TRMT11: variants seen among roughly 807,000 people sequenced by gnomAD.
TRMT11 encodes tRNA (guanine(10)-N(2))-methyltransferase TRMT11.
A neutral mutation model predicts 62.8 loss-of-function variants in TRMT11; 53 were observed. The ratio of observed to expected loss-of-function variants is 0.84; its 90% confidence interval spans 0.68 to 1.06. The LOEUF (loss-of-function observed/expected upper bound fraction) is 1.06. Among genes scored for constraint, TRMT11 ranks in the 50% least tolerant of loss-of-function variants. TRMT11 has a pLI of 0.00. For synonymous variants in TRMT11, 188 were observed against 190.3 expected, an observed-to-expected ratio of 0.99 and a Z score of 0.10; for missense variants, 556 against 553.4, an observed-to-expected ratio of 1.00 and a Z score of -0.05.
At chr6:126,094,153 A>G (rs1407903722) in intron 17 of TRMT11, among the ~76,000 whole-genome samples, 2 of 151,472 alleles carry the variant, frequency 1.3e-5, no homozygotes, top group Non-Finnish European at 2.9e-5. Context: ...GTTGGCTCTG[A>G]CTCCTCTTTT....
chr6:126,125,924 G>A (rs185085119), intron 21 of TRMT11, among the ~76,000 whole-genome samples: 78 of 152,162 alleles, frequency 5.1e-4, no homozygotes, highest in African/African-American at 1.8e-3. Flanking sequence ...AAACACACAT[G>A]CATGCACATT....
At chr6:126,038,103 T>C (rs1448749705) in intron 12 of TRMT11, among the ~76,000 whole-genome samples, 2 of 152,088 alleles carry the variant, frequency 1.3e-5, no homozygotes, top group Non-Finnish European at 2.9e-5. Context: ...TAGACGTCAG[T>C]CTGAGCAGTA....
At chr6:126,161,040 C>T (rs1277783113) in intron 21 of TRMT11, among the ~76,000 whole-genome samples, 1 of 151,986 alleles carries the variant, frequency 6.6e-6, no homozygotes, top group Non-Finnish European at 1.5e-5. Flanking sequence ...GCAGCCACCA[C>T]CTGGTACATC....
chr6:126,018,774 T>C (rs1231183302), intron 11 of TRMT11, among the ~76,000 whole-genome samples: 2 of 152,208 alleles, frequency 1.3e-5, no homozygotes, highest in African/African-American at 4.8e-5. Context: ...AGTACTGTCA[T>C]AATGGTCCAG....
chr6:126,159,286 G>A (rs935640489), intron 21 of TRMT11, among the ~76,000 whole-genome samples: 8 of 152,074 alleles, frequency 5.3e-5, no homozygotes, highest in South Asian at 2.1e-4. Context: ...CACTCTGGGC[G>A]GAGGTCTGCA....
intron 21 of TRMT11, among the ~76,000 whole-genome samples, chr6:126,128,133 G>A (rs932540164): frequency 6.6e-6 from 1 of 152,002 alleles, no homozygotes; most frequent in African/African-American, 2.4e-5. Context: ...ATATTTATTG[G>A]TCAACAAGTG....
chr6:126,065,168 T>C (rs1440902966), intron 17 of TRMT11, among the ~76,000 whole-genome samples: 1 of 152,226 alleles, frequency 6.6e-6, no homozygotes, highest in Non-Finnish European at 1.5e-5. Context: ...TGAAACTTTT[T>C]CTTTTATTGT....
chr6:126,086,799 T>C (rs761982839), intron 17 of TRMT11, among the ~76,000 whole-genome samples: 7 of 152,186 alleles, frequency 4.6e-5, no homozygotes, highest in Non-Finnish European at 7.3e-5. Flanking sequence ...TGTATATATT[T>C]CTTCCTCTGA....
At chr6:126,247,258 C>T in the TRMT11 span, among the ~76,000 whole-genome samples, 1 of 152,064 alleles carries the variant, frequency 6.6e-6, no homozygotes, top group Non-Finnish European at 1.5e-5. Context: ...CAAAGTGTAT[C>T]AACTAAACTA....
downstream of TRMT11, among the ~76,000 whole-genome samples, chr6:126,039,519 TG>T (rs1183720432): frequency 1.3e-5 from 2 of 152,058 alleles, no homozygotes; most frequent in Non-Finnish European, 2.9e-5. Context: ...CCACAATTTT[TG>T]GTTTAGAAAG....
intron 17 of TRMT11, among the ~76,000 whole-genome samples, chr6:126,086,835 T>C (rs1181476614): frequency 6.6e-6 from 1 of 152,208 alleles, no homozygotes; most frequent in East Asian, 1.9e-4. Context: ...TTTTCTCTTT[T>C]ACTTGTTCAG....
the TRMT11 span, among the ~76,000 whole-genome samples, chr6:126,237,768 G>T: frequency 6.6e-6 from 1 of 152,278 alleles, no homozygotes; most frequent in East Asian, 1.9e-4. Flanking sequence ...ACACAGGGAA[G>T]ATTATCTGCT....
chr6:126,047,402 T>C (rs181776004), intron 16 of TRMT11, among the ~76,000 whole-genome samples: 1 of 151,342 alleles, frequency 6.6e-6, no homozygotes, highest in Non-Finnish European at 1.5e-5. Flanking sequence ...GGAGAGGAGA[T>C]TGGTTGCAGG....
chr6:126,033,217 T>G (rs894174993), intron 12 of TRMT11, among the ~76,000 whole-genome samples: 1 of 152,190 alleles, frequency 6.6e-6, no homozygotes, highest in Admixed American at 6.5e-5. Context: ...CTGAGCAGTT[T>G]ATGATGGTCA....
At chr6:126,056,563 G>A (rs1412549192) in intron 17 of TRMT11, among the ~76,000 whole-genome samples, 1 of 152,134 alleles carries the variant, frequency 6.6e-6, no homozygotes, top group Non-Finnish European at 1.5e-5. Context: ...GGGGTCAGCT[G>A]AAGCTTATTT....
the TRMT11 span, among the ~76,000 whole-genome samples, chr6:126,234,101 T>A: frequency 4.6e-5 from 7 of 152,164 alleles, no homozygotes; most frequent in African/African-American, 1.4e-4. Flanking sequence ...TAGTCAAACC[T>A]ACGTCTCTGT....
the TRMT11 span, among the ~76,000 whole-genome samples, chr6:126,250,848 G>T: frequency 6.6e-6 from 1 of 151,980 alleles, no homozygotes; most frequent in Non-Finnish European, 1.5e-5. Context: ...AGCTTTGGTC[G>T]TTAGCCGTTA....
chr6:126,271,723 T>G, the TRMT11 span, among the ~76,000 whole-genome samples: 7 of 152,190 alleles, frequency 4.6e-5, no homozygotes, highest in Admixed American at 1.3e-4. Context: ...AGGAGTTAAG[T>G]AAAGGGAGGA....
At chr6:126,188,766 C>G (rs997060438) in intron 1 of TRMT11, among the ~76,000 whole-genome samples, 1 of 152,066 alleles carries the variant, frequency 6.6e-6, no homozygotes, top group African/African-American at 2.4e-5. Context: ...ATCACATTTT[C>G]TTGAATCCCA....
Sources: gnomAD v4.1 joint callset for allele counts (sites outside exome capture counted in the v4.1 genomes callset) on GRCh38, gnomAD v4.1.1 for gene constraint, MANE v1.5 for transcripts, NCBI Gene and HGNC (gene_info 2026-07-23, HGNC 2026-07-21) for gene names.